The following CACNA1C variants were observed in gnomAD, a reference collection of about 807,000 sequenced individuals.
The protein encoded by CACNA1C is voltage-dependent L-type calcium channel subunit alpha-1C.
A neutral mutation model predicts 229.0 loss-of-function variants in CACNA1C; 30 were observed. The observed-to-expected ratio is 0.13, with a 90% CI of 0.10 to 0.18. CACNA1C has a LOEUF of 0.18. Among genes scored for constraint, CACNA1C ranks in the 10% least tolerant of loss-of-function variants. The pLI is 1.00. For missense variants in CACNA1C, 1,658 were observed against 2,845.0 expected (o/e 0.58, Z 9.49); for synonymous variants, 1,114 against 1,132.5 (o/e 0.98, Z 0.33).
At chr12:2,274,261 T>A (rs1284877178) in intron 3 of CACNA1C, among the ~76,000 whole-genome samples, 1 of 152,058 alleles carries the variant, frequency 6.6e-6, no homozygotes, top group African/African-American at 2.4e-5. Flanking sequence ...CACTCCCGAG[T>A]CGTTCTCACT....
rs1409867344 is a variant in CACNA1C at position 2,319,160 on chromosome 12, G to A, written c.478-129816G>A. ...CCTACCTGTCACCTGTCCTGGGCAG[G>A]CAGGGGTCCCCACATATCACTGCAC... On this transcript the variant is annotated intron_variant, in intron 3 of 46. Coordinates refer to ENST00000399655, the MANE Select transcript of CACNA1C (RefSeq NM_000719.7). The surrounding 1 kb of genome is among the most constrained non-coding windows in gnomAD (Gnocchi z 4.0). Among the ~76,000 whole-genome samples, 3 of 152,056 alleles carry A rather than the reference G, an allele frequency of 2.0e-5. No individual in the cohort carries two copies. The highest frequency in any genetic ancestry group is 7.2e-5 in the African/African-American group (3 of 41,380).
At chr12:2,558,032 C>G (rs1458043797) in intron 11 of CACNA1C, among the ~76,000 whole-genome samples, 4 of 152,222 alleles carry the variant, frequency 2.6e-5, no homozygotes, top group Non-Finnish European at 5.9e-5. Flanking sequence ...GCCCTATCTC[C>G]TACATGGCAG....
rs1253097469 is a variant in CACNA1C at position 2,101,545 on chromosome 12, T to C, written c.50-13679T>C. Among the ~76,000 whole-genome samples the C allele has an allele frequency of 3.3e-5, 5 of 152,136 alleles. No homozygotes were observed. In the East Asian group the frequency reaches 9.7e-4, roughly 30 times the overall value. ...CCTCCCTGAGTGTCAGGCCTGTGGG[T>C]CCGTGAGCTCCGAGCCTCAGGAGTA... is the stretch of plus-strand genomic sequence containing the variant. On this transcript the variant is annotated intron_variant, in intron 1 of 46. Transcript: ENST00000399655.
At chr12:2,253,500 A>G (rs1600806959) in intron 3 of CACNA1C, among the ~76,000 whole-genome samples, 1 of 152,350 alleles carries the variant, frequency 6.6e-6, no homozygotes, top group East Asian at 1.9e-4. Flanking sequence ...GAGGCCAAAC[A>G]TATGTGCATA....
At chr12:2,380,870 G>A (rs1237059408) in intron 3 of CACNA1C, among the ~76,000 whole-genome samples, 1 of 152,170 alleles carries the variant, frequency 6.6e-6, no homozygotes, top group African/African-American at 2.4e-5. Flanking sequence ...CACGTAAGAT[G>A]GATGGTGTCC....
chr12:2,385,475 G>A (rs959256677), intron 3 of CACNA1C, among the ~76,000 whole-genome samples: 2 of 151,896 alleles, frequency 1.3e-5, no homozygotes, highest in Admixed American at 1.3e-4. Context: ...TATCCACTTA[G>A]CACCCCTACA....
chr12:2,618,246 C>T (rs2081589724), intron 29 of CACNA1C, among the ~76,000 whole-genome samples: 1 of 152,194 alleles, frequency 6.6e-6, no homozygotes, highest in Non-Finnish European at 1.5e-5. Flanking sequence ...GTCAGATCTG[C>T]TTGTCTGAGC....
At chr12:2,474,571 A>G (rs185391168) in intron 5 of CACNA1C, among the ~76,000 whole-genome samples, 1 of 152,096 alleles carries the variant, frequency 6.6e-6, no homozygotes, top group African/African-American at 2.4e-5. Flanking sequence ...CCTGGCCAAC[A>G]TGGCGAAACC....
intron 3 of CACNA1C, among the ~76,000 whole-genome samples, chr12:2,124,421 G>T (rs979389643): frequency 6.6e-6 from 1 of 152,150 alleles, no homozygotes; most frequent in Non-Finnish European, 1.5e-5. Context: ...TATACATGTG[G>T]TCACATTCTT....
intron 3 of CACNA1C, among the ~76,000 whole-genome samples, chr12:2,283,236 G>T (rs1165088480): frequency 2.6e-5 from 4 of 152,120 alleles, no homozygotes; most frequent in Non-Finnish European, 5.9e-5. Flanking sequence ...AAGGTGCAAG[G>T]CTACTTCTCC....
chr12:2,110,947 C>G (rs1006736118), intron 1 of CACNA1C, among the ~76,000 whole-genome samples: 1 of 149,346 alleles, frequency 6.7e-6, no homozygotes, highest in African/African-American at 2.5e-5. Flanking sequence ...ACCTGTCTCA[C>G]CCGAGAGGCC....
intron 3 of CACNA1C, among the ~76,000 whole-genome samples, chr12:2,273,676 C>T (rs1272460998): frequency 1.3e-5 from 2 of 152,130 alleles, no homozygotes; most frequent in African/African-American, 2.4e-5. Context: ...CTCAGATAGA[C>T]GGAGGGGTGT....
rs372702466 is a variant in CACNA1C at position 2,666,770 on chromosome 12, C to T, written c.4611C>T (p.Arg1537=). The T allele has an allele frequency of 1.9e-4, 300 of 1,599,682 alleles. No individual in the cohort carries two copies. The African/African-American group carries it at 2.1e-3, about 11-fold the overall frequency. ...PLGFGKLCPH[R]VACKRLVSMN... is the part of the protein sequence containing the mutation. ...GTTTTGGGAAGCTGTGCCCTCACCG[C>T]GTGGCTTGCAAAGTAAGAGATAACG... is the stretch of plus-strand genomic sequence containing the variant. Residue 1537 remains arginine, a synonymous_variant, in exon 37 of 47, where the codon CGC becomes CGT. Coordinates refer to ENST00000399655, the MANE Select transcript of CACNA1C (RefSeq NM_000719.7). The surrounding 1 kb of genome is among the most constrained non-coding windows in gnomAD (Gnocchi z 5.3).
rs535674518 is a variant in CACNA1C, at chr12:2,352,261, G to A, written c.478-96715G>A. Reference sequence around the variant, plus strand: ...TCTCCCACTCTCCTGCTCATTTGACGAGGTCTCCTAGGCTGCCTAAGGTTG... The same window carrying A: ...TCTCCCACTCTCCTGCTCATTTGACAAGGTCTCCTAGGCTGCCTAAGGTTG... On this transcript the variant is annotated intron_variant, in intron 3 of 46. Coordinates refer to ENST00000399655, the MANE Select transcript of CACNA1C (RefSeq NM_000719.7). 2.4e-4 allele frequency among the ~76,000 whole-genome samples: 37 copies of A among 152,184 alleles called. 1 individual carries two copies. Among genetic ancestry groups the A allele is most frequent in the Admixed American group, 1.0e-3 (16 of 15,274 alleles).
chr12:2,537,144 C>T (rs1210329768), intron 9 of CACNA1C, among the ~76,000 whole-genome samples: 2 of 152,228 alleles, frequency 1.3e-5, no homozygotes, highest in African/African-American at 2.4e-5. Context: ...CTGCCCTCCT[C>T]CTCCACTTAG....
At chr12:2,370,680 G>A (rs113595776) in intron 3 of CACNA1C, among the ~76,000 whole-genome samples, 3,493 of 152,136 alleles carry the variant, frequency 0.023, 133 homozygotes, top group African/African-American at 0.08. Flanking sequence ...AAAATTCTGG[G>A]CCAAAACTAA....
At chr12:2,059,611 G>A (rs1156275866) in intron 1 of CACNA1C, among the ~76,000 whole-genome samples, 2 of 152,134 alleles carry the variant, frequency 1.3e-5, no homozygotes, top group South Asian at 2.1e-4. Flanking sequence ...GTGTGTATAG[G>A]GGGCAAGGGG....
rs1603374773 is a variant in CACNA1C at position 2,655,182 on chromosome 12, G to A, written c.4176G>A (p.Glu1392=). ...FGKIALNDTT[E]INRNNNFQTF... The stretch of plus-strand genomic sequence containing the variant: ...AAATTGCCCTGAATGATACCACAGA[G>A]ATCAACCGGAACAACAACTTTCAGA... The change falls in exon 34 of 47, where the codon GAG becomes GAA. Residue 1392 remains glutamate, a synonymous_variant. Coordinates refer to ENST00000399655, the MANE Select transcript of CACNA1C (RefSeq NM_000719.7). The A allele has an allele frequency of 6.2e-7, 1 of 1,613,770 alleles. No individual in the cohort carries two copies. The highest frequency in any genetic ancestry group is 1.6e-4 in the Middle Eastern group (1 of 6,062).
At chr12:2,100,916 A>G (rs1328988159) in intron 1 of CACNA1C, among the ~76,000 whole-genome samples, 3 of 147,554 alleles carry the variant, frequency 2.0e-5, no homozygotes, top group Non-Finnish European at 3.0e-5. Flanking sequence ...TAGGAGGATC[A>G]CCTGAGTCTG....
Sources: gnomAD v4.1 joint callset for allele counts (sites outside exome capture counted in the v4.1 genomes callset) on GRCh38, gnomAD v4.1.1 for gene constraint, Gnocchi (gnomAD v3.1) non-coding constraint, MANE v1.5 for transcripts, NCBI Gene and HGNC (gene_info 2026-07-23, HGNC 2026-07-21) for gene names.